Variants in SEMA3E observed in about 807,000 individuals in gnomAD.
The protein encoded by SEMA3E is semaphorin 3E.
In SEMA3E, 49 loss-of-function variants were observed where a neutral mutation model predicts 93.6. The ratio of observed to expected loss-of-function variants is 0.52; its 90% confidence interval spans 0.42 to 0.66. The LOEUF is 0.66. SEMA3E is among the 30% of genes least tolerant of loss of function. SEMA3E has a pLI of 0.00. For missense variants in SEMA3E, 906 were observed against 964.8 expected (o/e 0.94, Z 0.81); for synonymous variants, 363 against 330.7 (o/e 1.10, Z -1.06).
chr7:83,403,076 G>A (rs564031296), intron 9 of SEMA3E, among the ~76,000 whole-genome samples: 2 of 151,876 alleles, frequency 1.3e-5, no homozygotes, highest in Non-Finnish European at 2.9e-5. Flanking sequence ...TATTAAGGAT[G>A]ATCTGGCCTT....
chr7:83,426,594 G>A (rs1222025500), intron 4 of SEMA3E, among the ~76,000 whole-genome samples: 1 of 152,016 alleles, frequency 6.6e-6, no homozygotes, highest in Admixed American at 6.6e-5. Context: ...ACCTGGCGAT[G>A]GGATTAATCA....
chr7:83,532,947 T>C (rs1562821924), intron 1 of SEMA3E, among the ~76,000 whole-genome samples: 2 of 152,160 alleles, frequency 1.3e-5, no homozygotes, highest in Non-Finnish European at 2.9e-5. Context: ...ACATCTTTAA[T>C]AAAGATGAAG....
At chr7:83,553,230 G>A (rs186987468) in intron 1 of SEMA3E, among the ~76,000 whole-genome samples, 364 of 152,142 alleles carry the variant, frequency 2.4e-3, no homozygotes, top group African/African-American at 8.6e-3. Flanking sequence ...AAGAACCTAC[G>A]TTGAAATATT....
intron 2 of SEMA3E, among the ~76,000 whole-genome samples, chr7:83,474,883 C>T (rs1017099376): frequency 2.6e-5 from 4 of 152,100 alleles, no homozygotes; most frequent in African/African-American, 7.2e-5. Flanking sequence ...TCTAATTTGA[C>T]ATTCAATTTG....
chr7:83,376,994 T>C lies in SEMA3E; in HGVS notation c.1875+8300A>G, dbSNP rs569741384. 2.6e-5 allele frequency among the ~76,000 whole-genome samples: 4 copies of C among 152,068 alleles called. No individual in the cohort carries two copies. In the South Asian group the frequency reaches 8.3e-4, roughly 32 times the overall value. On this transcript the variant is annotated intron_variant, in intron 16 of 16. Transcript: ENST00000643230. ...TTGTCTGCCTTACACCACCCCAAAA[T>C]AGGCATAGATGATATTTTATGTGTC...
chr7:83,404,317 T>C (rs1350221382), intron 9 of SEMA3E, among the ~76,000 whole-genome samples: 2 of 151,918 alleles, frequency 1.3e-5, no homozygotes, highest in East Asian at 3.9e-4. Context: ...TAAGTGAGCA[T>C]TAGAAACTAC....
intron 16 of SEMA3E, among the ~76,000 whole-genome samples, chr7:83,369,334 C>A (rs962269280): frequency 8.6e-4 from 131 of 152,242 alleles, no homozygotes; most frequent in African/African-American, 3.0e-3. Flanking sequence ...CTTGATGAGA[C>A]CTGGCATAGA....
chr7:83,520,488 C>T (rs1791020964), intron 1 of SEMA3E, among the ~76,000 whole-genome samples: 1 of 151,992 alleles, frequency 6.6e-6, no homozygotes, highest in Non-Finnish European at 1.5e-5. Context: ...TGCTACTTCA[C>T]CAGTGGGAAA....
intron 4 of SEMA3E, among the ~76,000 whole-genome samples, chr7:83,423,589 T>C (rs898204948): frequency 6.0e-5 from 9 of 151,162 alleles, no homozygotes; most frequent in East Asian, 2.0e-4. Context: ...CTGCAAGCTC[T>C]GCCTCCCGGG....
At chr7:83,371,546 A>T (rs1005923365) in intron 16 of SEMA3E, 1 of 152,164 alleles carries the variant, frequency 6.6e-6, no homozygotes, top group Non-Finnish European at 1.5e-5. Flanking sequence ...TAAAAGCTAC[A>T]AGCGTAAGGA....
At chr7:83,474,433 A>T (rs935119815) in intron 2 of SEMA3E, among the ~76,000 whole-genome samples, 1 of 152,226 alleles carries the variant, frequency 6.6e-6, no homozygotes, top group Non-Finnish European at 1.5e-5. Flanking sequence ...TTTTACTAAC[A>T]ATATTCAGCA....
chr7:83,405,777 C>A (rs1788317336), intron 8 of SEMA3E, among the ~76,000 whole-genome samples, 168 bp downstream of exon 8: 1 of 151,918 alleles, frequency 6.6e-6, no homozygotes, highest in Non-Finnish European at 1.5e-5. Context: ...TCTTGCAATC[C>A]CTTTTCCCCC....
intron 1 of SEMA3E, among the ~76,000 whole-genome samples, chr7:83,635,543 A>G (rs910700318): frequency 6.7e-6 from 1 of 149,138 alleles, no homozygotes; most frequent in Non-Finnish European, 1.5e-5. Context: ...CATTGTATTT[A>G]ATTAATTATA....
intron 1 of SEMA3E, among the ~76,000 whole-genome samples, chr7:83,631,033 A>AT (rs1793775985): frequency 6.6e-6 from 1 of 152,262 alleles, no homozygotes; most frequent in Non-Finnish European, 1.5e-5. Context: ...AATCTACAAG[A>AT]TTTCAAGCAA....
At chr7:83,536,861 A>G (rs887353622) in intron 1 of SEMA3E, among the ~76,000 whole-genome samples, 1 of 152,072 alleles carries the variant, frequency 6.6e-6, no homozygotes, top group Non-Finnish European at 1.5e-5. Context: ...ATGTATTGGT[A>G]TGGACTGAAT....
chr7:83,452,103 AATTATATCC>A (rs1789371737), intron 4 of SEMA3E, among the ~76,000 whole-genome samples: 1 of 149,484 alleles, frequency 6.7e-6, no homozygotes, highest in Non-Finnish European at 1.5e-5. Flanking sequence ...AATGAGATAG[AATTATATCC>A]ATATGTGTAT....
chr7:83,478,935 C>G (rs770900531), intron 2 of SEMA3E, among the ~76,000 whole-genome samples: 20 of 152,160 alleles, frequency 1.3e-4, no homozygotes, highest in Non-Finnish European at 2.6e-4. Context: ...TTCTCATTTT[C>G]CATCCATTTA....
In SEMA3E at chr7:83,640,400, G is replaced by A. The variant is rs555704352; in HGVS notation, c.115+8028C>T. Among the ~76,000 whole-genome samples the A allele has an allele frequency of 8.5e-5, 13 of 152,246 alleles. No individual in the cohort carries two copies. In the East Asian group the frequency reaches 2.3e-3, roughly 27 times the overall value. On this transcript the variant is annotated intron_variant, in intron 1 of 16. Transcript: ENST00000643230. ...CAGTTTAGCTACAGAATACTTGGCT[G>A]GCAGGCTCTGCTCTCTCCTGTGCAG...
At chr7:83,459,063 G>T (rs934946502) in intron 4 of SEMA3E, among the ~76,000 whole-genome samples, 1 of 150,630 alleles carries the variant, frequency 6.6e-6, no homozygotes, top group African/African-American at 2.4e-5. Flanking sequence ...TACCAAATTA[G>T]ATGGAAAGAA....
Sources: gnomAD v4.1 joint callset for allele counts (sites outside exome capture counted in the v4.1 genomes callset) on GRCh38, gnomAD v4.1.1 for gene constraint, MANE v1.5 for transcripts, NCBI Gene and HGNC (gene_info 2026-07-23, HGNC 2026-07-21) for gene names.